The following CLVS1 variants were observed in gnomAD, a reference collection of about 807,000 sequenced individuals.
CLVS1 encodes clavesin-1.
In CLVS1, 10 loss-of-function variants were observed where a neutral mutation model predicts 33.1. That is an observed-to-expected ratio of 0.30 (90% CI 0.19 to 0.51). The LOEUF (loss-of-function observed/expected upper bound fraction) is 0.51. Among genes scored for constraint, CLVS1 ranks in the 20% least tolerant of loss-of-function variants. The pLI is 0.97. For missense variants in CLVS1, 343 were observed against 433.4 expected (o/e 0.79, Z 1.85); for synonymous variants, 163 against 166.1 (o/e 0.98, Z 0.14).
chr8:61,120,791 A>T (rs925459199), intron 1 of CLVS1, among the ~76,000 whole-genome samples: 2 of 146,862 alleles, frequency 1.4e-5, no homozygotes, highest in African/African-American at 5.1e-5. Flanking sequence ...TCAGAGAGGG[A>T]CATTTAAGTC....
intron 1 of CLVS1, among the ~76,000 whole-genome samples, chr8:61,105,393 T>C (rs1467829372): frequency 6.6e-6 from 1 of 152,204 alleles, no homozygotes; most frequent in Non-Finnish European, 1.5e-5. Context: ...CCCAGGTTCT[T>C]TCTTATCTAG....
At chr8:61,163,645 T>C (rs1401663642) in intron 2 of CLVS1, among the ~76,000 whole-genome samples, 1 of 152,144 alleles carries the variant, frequency 6.6e-6, no homozygotes, top group Admixed American at 6.5e-5. Context: ...AATGGAACCT[T>C]GGGCCATGCA....
At chr8:61,410,881 A>T (rs1815195154) in intron 3 of CLVS1, among the ~76,000 whole-genome samples, 1 of 152,144 alleles carries the variant, frequency 6.6e-6, no homozygotes, top group Non-Finnish European at 1.5e-5. Flanking sequence ...ACCTCAAGTG[A>T]TCCGCCTGCC....
At chr8:61,185,803 T>A (rs1807333883) in intron 2 of CLVS1, among the ~76,000 whole-genome samples, 1 of 152,148 alleles carries the variant, frequency 6.6e-6, no homozygotes, top group Non-Finnish European at 1.5e-5. Flanking sequence ...TCTTCATTTG[T>A]AAAATGACAA....
the CLVS1 span, among the ~76,000 whole-genome samples, chr8:60,981,619 T>A: frequency 1.3e-5 from 2 of 152,254 alleles, no homozygotes; most frequent in African/African-American, 4.8e-5. Flanking sequence ...TATCTGGTGT[T>A]CCCTGGTGGC....
chr8:61,224,326 A>T (rs1585703060), intron 2 of CLVS1, among the ~76,000 whole-genome samples: 2 of 152,034 alleles, frequency 1.3e-5, no homozygotes, highest in South Asian at 4.2e-4. Context: ...GGTCTTTGAG[A>T]CTGCTGACTC....
intron 2 of CLVS1, among the ~76,000 whole-genome samples, chr8:61,266,227 G>A (rs1447844806): frequency 6.6e-6 from 1 of 151,528 alleles, no homozygotes; most frequent in African/African-American, 2.4e-5. Flanking sequence ...TCTTTGATAA[G>A]ATTAACAGAT....
At chr8:61,431,699 C>T (rs1217990946) in intron 3 of CLVS1, among the ~76,000 whole-genome samples, 1 of 152,060 alleles carries the variant, frequency 6.6e-6, no homozygotes, top group Non-Finnish European at 1.5e-5. Flanking sequence ...TCCTTGAAGG[C>T]AGGGACTTTT....
intron 5 of CLVS1, among the ~76,000 whole-genome samples, chr8:61,462,494 C>T (rs888518456): frequency 2.6e-5 from 4 of 152,164 alleles, no homozygotes; most frequent in Non-Finnish European, 5.9e-5. Context: ...AAGCAATTCT[C>T]ATGCCTCAGC....
At chr8:61,338,956 A>C (rs943882045) in intron 2 of CLVS1, among the ~76,000 whole-genome samples, 5 of 142,080 alleles carry the variant, frequency 3.5e-5, no homozygotes, top group African/African-American at 1.4e-4. Flanking sequence ...TGGCCACCAA[A>C]GGGAACACTG....
chr8:61,357,467 T>C (rs1291055813), intron 2 of CLVS1, among the ~76,000 whole-genome samples: 3 of 149,674 alleles, frequency 2.0e-5, no homozygotes, highest in South Asian at 2.1e-4. Flanking sequence ...CGTTTTTTTT[T>C]CCTTCTTTTT....
chr8:61,318,717 C>T (rs1265722274), intron 2 of CLVS1, among the ~76,000 whole-genome samples: 1 of 152,110 alleles, frequency 6.6e-6, no homozygotes, highest in African/African-American at 2.4e-5. Context: ...TCATTCTCTC[C>T]CAGTTCTGTA....
intron 2 of CLVS1, among the ~76,000 whole-genome samples, chr8:61,281,795 G>A (rs1448550672): frequency 6.6e-6 from 1 of 152,000 alleles, no homozygotes; most frequent in African/African-American, 2.4e-5. Context: ...ATCCCAACCT[G>A]CCCTTCTGAC....
At chr8:61,429,625 G>C (rs1178431414) in intron 3 of CLVS1, among the ~76,000 whole-genome samples, 1 of 151,992 alleles carries the variant, frequency 6.6e-6, no homozygotes, top group African/African-American at 2.4e-5. Context: ...CATGAACTTT[G>C]GGAGACACAT....
intron 5 of CLVS1, among the ~76,000 whole-genome samples, chr8:61,470,537 T>C (rs781190125): frequency 6.6e-6 from 1 of 152,214 alleles, no homozygotes; most frequent in African/African-American, 2.4e-5. Flanking sequence ...AGATATAGCC[T>C]AGGCAAGAAT....
chr8:60,971,044 T>G, the CLVS1 span, among the ~76,000 whole-genome samples: 1 of 150,200 alleles, frequency 6.7e-6, no homozygotes, highest in Non-Finnish European at 1.5e-5. Flanking sequence ...CTAGCAACTT[T>G]TTTTTTTTGT....
intron 5 of CLVS1, among the ~76,000 whole-genome samples, chr8:61,493,346 A>G (rs1336419530): frequency 6.6e-6 from 1 of 152,218 alleles, no homozygotes; most frequent in African/African-American, 2.4e-5. Flanking sequence ...ATCAATCAAT[A>G]TTTCTGGACC....
At chr8:61,084,766 G>T (rs1585597951) in intron 1 of CLVS1, among the ~76,000 whole-genome samples, 1 of 152,202 alleles carries the variant, frequency 6.6e-6, no homozygotes, top group African/African-American at 2.4e-5. Context: ...AAGCTGCAGA[G>T]AAATCCCAAT....
chr8:61,493,860 A>G (rs539117945), intron 5 of CLVS1, among the ~76,000 whole-genome samples: 1 of 152,214 alleles, frequency 6.6e-6, no homozygotes, highest in South Asian at 2.1e-4. Context: ...CCTGATTCAA[A>G]TGCAGGTTTG....
Sources: gnomAD v4.1 joint callset for allele counts (sites outside exome capture counted in the v4.1 genomes callset) on GRCh38, gnomAD v4.1.1 for gene constraint, MANE v1.5 for transcripts, NCBI Gene and HGNC (gene_info 2026-07-23, HGNC 2026-07-21) for gene names.